SEMA5A: variants seen among roughly 807,000 people sequenced by gnomAD.
The protein encoded by SEMA5A is semaphorin-5A.
In SEMA5A, 55 loss-of-function variants were observed where a neutral mutation model predicts 135.5. The observed-to-expected ratio is 0.41, with a 90% CI of 0.33 to 0.51. The LOEUF (loss-of-function observed/expected upper bound fraction) is 0.51. Among genes scored for constraint, SEMA5A ranks in the 20% least tolerant of loss-of-function variants. The pLI is 0.37. For synonymous variants in SEMA5A, 580 were observed against 546.5 expected (o/e 1.06, Z -0.85); for missense variants, 1,290 against 1,419.9 (o/e 0.91, Z 1.47).
At chr5:9,182,155 CA>C (rs58435181) in intron 11 of SEMA5A, among the ~76,000 whole-genome samples, 27,330 of 133,320 alleles carry the variant, frequency 0.2, 3,404 homozygotes, top group African/African-American at 0.3. Flanking sequence ...TTCTGCCCCC[CA>C]CCCCAAAAAA....
chr5:9,468,723 A>G (rs935651238), intron 1 of SEMA5A, among the ~76,000 whole-genome samples: 10 of 152,238 alleles, frequency 6.6e-5, no homozygotes, highest in Admixed American at 5.9e-4. Flanking sequence ...TACTCGGCCA[A>G]TCTCCAGCTA....
chr5:9,277,664 A>G (rs891758800), intron 5 of SEMA5A, among the ~76,000 whole-genome samples: 2 of 152,220 alleles, frequency 1.3e-5, no homozygotes, highest in Non-Finnish European at 1.5e-5. Flanking sequence ...TGTCCTGTAC[A>G]GGGACATGGA....
chr5:9,448,464 C>T (rs1758514457), intron 1 of SEMA5A, among the ~76,000 whole-genome samples: 1 of 152,174 alleles, frequency 6.6e-6, no homozygotes. Flanking sequence ...CTTCTGCCTA[C>T]CCCAACAGTG....
intron 13 of SEMA5A, among the ~76,000 whole-genome samples, chr5:9,130,838 G>A (rs1393799628): frequency 6.6e-6 from 1 of 152,188 alleles, no homozygotes; most frequent in Non-Finnish European, 1.5e-5. Flanking sequence ...GCATTATCCT[G>A]AAGATTAGGT....
At chr5:9,150,715 C>G (rs1050698663) in intron 12 of SEMA5A, among the ~76,000 whole-genome samples, 1 of 152,124 alleles carries the variant, frequency 6.6e-6, no homozygotes, top group East Asian at 1.9e-4. Context: ...GGAGACTCAG[C>G]TTAGAAAGCT....
intron 5 of SEMA5A, among the ~76,000 whole-genome samples, chr5:9,272,394 T>A: frequency 6.6e-6 from 1 of 152,108 alleles, no homozygotes; most frequent in Non-Finnish European, 1.5e-5. Context: ...CCCACCTCCC[T>A]GGGACAGAGC....
At chr5:9,206,852 G>C (rs1157673003) in intron 8 of SEMA5A, among the ~76,000 whole-genome samples, 2 of 150,072 alleles carry the variant, frequency 1.3e-5, no homozygotes, top group African/African-American at 4.9e-5. Context: ...TTCTGTTGTT[G>C]CATCTGACAA....
In SEMA5A at chr5:9,491,395, T is replaced by C. The variant is rs533205648; in HGVS notation, c.-174-53543A>G. ...GAACCCTAATGTAAACTATGAACTC[T>C]GGGTGATAATGATGTGCCAATGTAG... On this transcript the variant is annotated intron_variant, in intron 1 of 22. Coordinates refer to ENST00000382496, the MANE Select transcript of SEMA5A (RefSeq NM_003966.3). Among the ~76,000 whole-genome samples the C allele has an allele frequency of 3.3e-5, 5 of 152,226 alleles. No homozygotes were observed. The South Asian group carries it at 1.0e-3, about 32-fold the overall frequency.
intron 5 of SEMA5A, among the ~76,000 whole-genome samples, chr5:9,289,012 T>C (rs903812512): frequency 6.6e-6 from 1 of 152,212 alleles, no homozygotes; most frequent in African/African-American, 2.4e-5. Flanking sequence ...CCATTGATGG[T>C]TTAAGCCTAT....
intron 4 of SEMA5A, among the ~76,000 whole-genome samples, chr5:9,319,352 C>T (rs1003425247): frequency 6.6e-6 from 1 of 151,906 alleles, no homozygotes; most frequent in Non-Finnish European, 1.5e-5. Flanking sequence ...AGTTTCACTG[C>T]CCAAGTATAA....
At chr5:9,077,346 C>G (rs141622735) in intron 16 of SEMA5A, among the ~76,000 whole-genome samples, 3 of 152,118 alleles carry the variant, frequency 2.0e-5, no homozygotes, top group African/African-American at 7.2e-5. Context: ...ACTCAGTATA[C>G]GCTAGTTACT....
At position 9,366,657 on chromosome 5, in the gene SEMA5A, G is replaced by A. The variant is rs146176559; in HGVS notation, c.124+13166C>T. On this transcript the variant is annotated intron_variant, in intron 3 of 22. Transcript: ENST00000382496. ...TCCGCCTTAGCCTCCCAAAGTGCTG[G>A]GATTACAGGCGTGAGCCACCGCTCC... is the stretch of plus-strand genomic sequence containing the variant. 4.6e-3 allele frequency among the ~76,000 whole-genome samples: 693 copies of A among 152,226 alleles called. 3 individuals are homozygous for A. The highest frequency in any genetic ancestry group is 0.016 in the African/African-American group (662 of 41,538).
At chr5:9,504,414 C>T (rs1735765118) in intron 1 of SEMA5A, among the ~76,000 whole-genome samples, 3 of 152,048 alleles carry the variant, frequency 2.0e-5, no homozygotes, top group African/African-American at 7.2e-5. Context: ...TGTTGTTTTC[C>T]AGAAACTTCT....
chr5:9,226,329 A>G (rs930528824), intron 7 of SEMA5A, among the ~76,000 whole-genome samples: 6 of 152,238 alleles, frequency 3.9e-5, no homozygotes, highest in Non-Finnish European at 8.8e-5. Flanking sequence ...TGGTGTGTGC[A>G]GCTGAAAATT....
chr5:9,120,811 G>A (rs1013340250), intron 14 of SEMA5A, among the ~76,000 whole-genome samples: 4 of 147,480 alleles, frequency 2.7e-5, no homozygotes, highest in African/African-American at 7.6e-5. Flanking sequence ...ACAGAGTCTC[G>A]CTCTGTCGCC....
At chr5:9,055,067 C>T (rs1339719377) in intron 18 of SEMA5A, among the ~76,000 whole-genome samples, 2 of 152,166 alleles carry the variant, frequency 1.3e-5, no homozygotes, top group Admixed American at 1.3e-4. Flanking sequence ...GCTCTTGGTA[C>T]CTGTAGACCC....
At chr5:9,052,692 G>A (rs1026998417) in intron 19 of SEMA5A, among the ~76,000 whole-genome samples, 2 of 151,984 alleles carry the variant, frequency 1.3e-5, no homozygotes, top group African/African-American at 4.8e-5. Flanking sequence ...GCCAAAAGAG[G>A]GGCATTGAAA....
Position 9,207,596 on chromosome 5 carries a change from G to T in SEMA5A, c.647-5356C>A, listed in dbSNP as rs565364428. On this transcript the variant is annotated intron_variant, in intron 8 of 22. Transcript: ENST00000382496. ...GCAGTTTTCTGTTCCTAAATTGTTG[G>T]TATCAGTCAGTACAAAATGCCTTCC... 7.2e-5 allele frequency among the ~76,000 whole-genome samples: 11 copies of T among 152,212 alleles called. No homozygotes were observed. The South Asian group carries it at 2.3e-3, about 32-fold the overall frequency.
chr5:9,169,278 T>G (rs1376686497), intron 11 of SEMA5A, among the ~76,000 whole-genome samples: 1 of 152,224 alleles, frequency 6.6e-6, no homozygotes. Flanking sequence ...TTGAATCAAG[T>G]TGCAGACCTC....
Sources: gnomAD v4.1 joint callset for allele counts (sites outside exome capture counted in the v4.1 genomes callset) on GRCh38, gnomAD v4.1.1 for gene constraint, MANE v1.5 for transcripts, NCBI Gene and HGNC (gene_info 2026-07-23, HGNC 2026-07-21) for gene names.